Variants in DSTYK observed in about 807,000 individuals in gnomAD.
The protein encoded by DSTYK is dual serine/threonine and tyrosine protein kinase.
Under a neutral mutation model 98.7 loss-of-function variants are expected in DSTYK, and 34 were observed. That is an observed-to-expected ratio of 0.34 (90% confidence interval 0.26 to 0.46). DSTYK has a LOEUF of 0.46. Ranked by LOEUF, DSTYK falls within the 20% of genes least tolerant of loss-of-function variation. The probability of loss-of-function intolerance (pLI) is 1.00; values close to 1 mark genes in which losing one functional copy is unlikely to be tolerated. For missense variants in DSTYK, 962 were observed against 1,181.7 expected (o/e 0.81, Z 2.73); for synonymous variants, 462 against 457.3 (o/e 1.01, Z -0.13).
At chr1:205,161,059 C>A (rs1270802040) in intron 7 of DSTYK, among the ~76,000 whole-genome samples, 199 bp downstream of exon 7, 3 of 152,170 alleles carry the variant, frequency 2.0e-5, no homozygotes, top group Admixed American at 6.5e-5. Context: ...CAGGTGTGAG[C>A]CACCACACCT....
At chr1:205,190,575 C>G (rs1163431738) in intron 1 of DSTYK, among the ~76,000 whole-genome samples, 1 of 132,802 alleles carries the variant, frequency 7.5e-6, no homozygotes, top group Non-Finnish European at 1.5e-5. Context: ...AAGATCACGC[C>G]ATTGCACTCC....
At chr1:205,174,819 C>T (rs1259724298) in intron 2 of DSTYK, among the ~76,000 whole-genome samples, 2 of 143,136 alleles carry the variant, frequency 1.4e-5, no homozygotes, top group Non-Finnish European at 3.0e-5. Context: ...CTCACTGCAA[C>T]CTCCGCCTCC....
At chr1:205,174,244 G>T (rs1050020228) in intron 2 of DSTYK, among the ~76,000 whole-genome samples, 4 of 151,882 alleles carry the variant, frequency 2.6e-5, no homozygotes, top group Non-Finnish European at 5.9e-5. Flanking sequence ...GCTGGGCAAG[G>T]TGGCTCACAC....
intron 1 of DSTYK, among the ~76,000 whole-genome samples, chr1:205,200,711 A>G (rs922304572): frequency 1.3e-5 from 2 of 152,216 alleles, no homozygotes; most frequent in African/African-American, 4.8e-5. Flanking sequence ...GTACAGAGTC[A>G]GGCATTAAAT....
In DSTYK at chr1:205,162,948, C is replaced by G; in HGVS notation, c.1616G>C (p.Arg539Thr). The G allele has an allele frequency of 6.2e-7, 1 of 1,614,038 alleles. No homozygotes were observed. Among genetic ancestry groups the G allele is most frequent in the South Asian group, 1.1e-5 (1 of 91,082 alleles). ...VTFHSGSSVT[R>T]MLWEQIKQII... is the part of the protein sequence containing the mutation. ...CTGTTTGATTTGCTCCCATAGCATC[C>G]TTGTAACTGACGACCCTGAGTGAAA... Residue 539 changes from arginine (R) to threonine (T), a missense_variant, in exon 5 of 13, where the codon AGG becomes ACG. Arg to Thr is a moderately conservative substitution (Grantham distance 71). Coordinates refer to ENST00000367162, the MANE Select transcript of DSTYK (RefSeq NM_015375.3).
chr1:205,166,353 A>G (rs1230117956), intron 3 of DSTYK, among the ~76,000 whole-genome samples: 2 of 152,096 alleles, frequency 1.3e-5, no homozygotes, highest in Non-Finnish European at 2.9e-5. Flanking sequence ...ACAGACAGTA[A>G]TAGTAATCTG....
chr1:205,191,933 T>G (rs1300893505), intron 1 of DSTYK, among the ~76,000 whole-genome samples: 1 of 152,124 alleles, frequency 6.6e-6, no homozygotes, highest in African/African-American at 2.4e-5. Context: ...CTGGCTCACA[T>G]TAACCCTGCC....
chr1:205,211,074 T>C (rs1659358403), intron 1 of DSTYK, among the ~76,000 whole-genome samples, 197 bp downstream of exon 1: 2 of 152,126 alleles, frequency 1.3e-5, no homozygotes, highest in South Asian at 4.1e-4. Flanking sequence ...AGCGGGCCCC[T>C]TCCTCCCCTC....
intron 1 of DSTYK, among the ~76,000 whole-genome samples, chr1:205,194,270 G>C (rs1159015520): frequency 6.6e-6 from 1 of 152,176 alleles, no homozygotes; most frequent in East Asian, 1.9e-4. Context: ...CTCAAGATGA[G>C]TGAGGAAATC....
At chr1:205,164,010 C>G in intron 3 of DSTYK, 55 bp from the exon 4 acceptor site, 3 of 1,456,616 alleles carry the variant, frequency 2.1e-6, no homozygotes, top group Non-Finnish European at 2.9e-6. Flanking sequence ...GGCAGACACA[C>G]TAAATAAAGT....
At chr1:205,194,627 C>G (rs1658808899) in intron 1 of DSTYK, among the ~76,000 whole-genome samples, 1 of 151,754 alleles carries the variant, frequency 6.6e-6, no homozygotes, top group Non-Finnish European at 1.5e-5. Context: ...AAGCGACCCT[C>G]CCACCTCAGC....
At chr1:205,158,818 G>C (rs1233101222) in intron 9 of DSTYK, among the ~76,000 whole-genome samples, 2 of 152,148 alleles carry the variant, frequency 1.3e-5, no homozygotes, top group Non-Finnish European at 2.9e-5. Flanking sequence ...TCTTAATAGT[G>C]CCTGTCAATT....
intron 2 of DSTYK, among the ~76,000 whole-genome samples, chr1:205,182,764 T>C (rs6593927): frequency 0.97 from 146,258 of 151,360 alleles, 70,708 homozygotes; most frequent in Middle Eastern, 1. Context: ...CGAGATTGCG[T>C]CATTGCATTC....
At position 205,159,534 on chromosome 1, in the gene DSTYK, G is replaced by A; in HGVS notation, c.2238+13C>T. 1 of 1,605,552 alleles carries A rather than the reference G, an allele frequency of 6.2e-7. No individual in the cohort carries two copies. The highest frequency in any genetic ancestry group is 8.5e-7 in the Non-Finnish European group (1 of 1,176,046). ...TGGATTTGGCTGCCAGCTGGATCTT[G>A]CTCTCTCCTTACCTTCAGCCCTGTG... On this transcript the variant is annotated intron_variant, in intron 9 of 12. Coordinates refer to ENST00000367162, the MANE Select transcript of DSTYK (RefSeq NM_015375.3).
chr1:205,200,181 C>T lies in DSTYK; in HGVS notation c.265+11090G>A, dbSNP rs542643717. Reference sequence around the variant, plus strand: ...CCTCCCAAGTAGCTGGGATTACAGGCGCCTACCACCGCGACCAGATGATTT... The same window carrying T: ...CCTCCCAAGTAGCTGGGATTACAGGTGCCTACCACCGCGACCAGATGATTT... On this transcript the variant is annotated intron_variant, in intron 1 of 12. Coordinates refer to ENST00000367162, the MANE Select transcript of DSTYK (RefSeq NM_015375.3). 6.2e-4 allele frequency among the ~76,000 whole-genome samples: 95 copies of T among 152,058 alleles called. 4 individuals carry two copies. The highest frequency in any genetic ancestry group is 1.0e-3 in the South Asian group (5 of 4,792).
rs372521477 is a variant in DSTYK at position 205,148,241 on chromosome 1, C to G, written c.2566G>C (p.Ala856Pro). The change falls in exon 12 of 13, where the codon GCT becomes CCT. Residue 856 changes from alanine (A) to proline (P), a missense_variant. Ala to Pro is a conservative substitution (Grantham distance 27, BLOSUM62 -1). Coordinates refer to ENST00000367162, the MANE Select transcript of DSTYK (RefSeq NM_015375.3). Reference sequence around the variant, plus strand: ...TTGTTCCAGAGATGGTCTTTGCTAGCACACCTCTCAAATGCCTCAGGGAGC... The same window carrying G: ...TTGTTCCAGAGATGGTCTTTGCTAGGACACCTCTCAAATGCCTCAGGGAGC... ...VKLPEAFERC[A>P]SKDHLWNNVR... The G allele has an allele frequency of 1.9e-6, 3 of 1,614,048 alleles. No homozygotes were observed. The African/African-American group carries it at 4.0e-5, about 22-fold the overall frequency.
intron 1 of DSTYK, among the ~76,000 whole-genome samples, chr1:205,200,309 A>ACC (rs1658990582): frequency 6.6e-6 from 1 of 152,014 alleles, no homozygotes; most frequent in Non-Finnish European, 1.5e-5. Context: ...AAGTGCTGGG[A>ACC]TTATAGGCAT....
chr1:205,148,472 C>T lies in DSTYK; in HGVS notation c.2468-133G>A, dbSNP rs1013187149. 6 of 1,100,976 alleles carry T rather than the reference C, an allele frequency of 5.4e-6. No homozygotes were observed. The South Asian group carries it at 6.3e-5, about 12-fold the overall frequency. The allele number at this position is 1,100,976 out of a possible 1,614,324, so 68.2% of individuals were successfully genotyped here. ...CTATTATCTCTCAATAACAACCCTG[C>T]CAGGTAGGCAGGGTACATTTATAAT... is the stretch of plus-strand genomic sequence containing the variant. On this transcript the variant is annotated intron_variant, in intron 11 of 12. Coordinates refer to ENST00000367162, the MANE Select transcript of DSTYK (RefSeq NM_015375.3).
chr1:205,209,929 C>G (rs1006199195), intron 1 of DSTYK, among the ~76,000 whole-genome samples: 1 of 150,160 alleles, frequency 6.7e-6, no homozygotes, highest in Non-Finnish European at 1.5e-5. Flanking sequence ...GAGACAGAGT[C>G]TTGCTCCGTC....
Sources: allele counts gnomAD v4.1 joint callset (sites outside exome capture counted in the v4.1 genomes callset), GRCh38; gene constraint gnomAD v4.1.1; transcripts MANE v1.5; gene names NCBI Gene and HGNC (gene_info 2026-07-23, HGNC 2026-07-21).